TLN2: variants seen among roughly 807,000 people sequenced by gnomAD.
TLN2 encodes the protein talin-2.
Under a neutral mutation model 294.7 loss-of-function variants are expected in TLN2, and 118 were observed. The ratio of observed to expected loss-of-function variants is 0.40; its 90% CI spans 0.34 to 0.47. TLN2 has a LOEUF of 0.47. Ranked by LOEUF, TLN2 falls within the 20% of genes least tolerant of loss-of-function variation. The pLI, the probability that TLN2 is intolerant of heterozygous loss-of-function variation, is 0.84. For synonymous variants in TLN2, 1,431 were observed against 1,304.5 expected, an observed-to-expected ratio of 1.10 and a Z score of -2.09; for missense variants, 3,083 against 3,282.2, an observed-to-expected ratio of 0.94 and a Z score of 1.48.
chr15:62,753,197 C>CT (rs1287041057), intron 35 of TLN2, among the ~76,000 whole-genome samples: 1 of 152,154 alleles, frequency 6.6e-6, no homozygotes, highest in Non-Finnish European at 1.5e-5. Context: ...CAAATGCTGC[C>CT]TTTTTTGTTG....
chr15:62,546,998 G>A (rs1357315605), intron 1 of TLN2, among the ~76,000 whole-genome samples: 1 of 152,166 alleles, frequency 6.6e-6, no homozygotes, highest in Non-Finnish European at 1.5e-5. Flanking sequence ...GAAAAGACCA[G>A]CGTTAATCAG....
intron 46 of TLN2, 65 bp downstream of exon 46, chr15:62,792,852 T>A: frequency 6.3e-7 from 1 of 1,588,086 alleles, no homozygotes; most frequent in Non-Finnish European, 8.5e-7. Flanking sequence ...TCCGCTGTAA[T>A]CAAGGACAAA....
chr15:62,808,244 A>G (rs984539566), intron 51 of TLN2, among the ~76,000 whole-genome samples: 1 of 152,200 alleles, frequency 6.6e-6, no homozygotes, highest in African/African-American at 2.4e-5. Context: ...ACATCTGTAT[A>G]TTAGATATAA....
chr15:62,532,021 T>C (rs2041066542), intron 1 of TLN2, among the ~76,000 whole-genome samples: 1 of 151,228 alleles, frequency 6.6e-6, no homozygotes, highest in Non-Finnish European at 1.5e-5. Flanking sequence ...CTGGGAATAA[T>C]TATTTTTTTT....
At chr15:62,591,956 A>C (rs574725559) in intron 2 of TLN2, among the ~76,000 whole-genome samples, 1 of 152,162 alleles carries the variant, frequency 6.6e-6, no homozygotes, top group Admixed American at 6.5e-5. Context: ...CCTGGGGCAC[A>C]GTGGCCGGGA....
chr15:62,741,434 A>G (rs1487973182), intron 32 of TLN2, among the ~76,000 whole-genome samples: 1 of 152,176 alleles, frequency 6.6e-6, no homozygotes, highest in African/African-American at 2.4e-5. Flanking sequence ...TTCAGTAACT[A>G]GTGGTTGAAT....
intron 1 of TLN2, among the ~76,000 whole-genome samples, chr15:62,566,383 C>T (rs1311396415): frequency 6.6e-6 from 1 of 152,066 alleles, no homozygotes; most frequent in Admixed American, 6.5e-5. Context: ...TTGGAGCCTG[C>T]ATTCCCAGGG....
At chr15:62,510,773 G>C (rs568306627) in intron 1 of TLN2, among the ~76,000 whole-genome samples, 1 of 152,306 alleles carries the variant, frequency 6.6e-6, no homozygotes, top group African/African-American at 2.4e-5. Context: ...AGTGCCTCCA[G>C]GTCCTTGGAA....
chr15:62,773,932 C>G (rs1399133033), intron 42 of TLN2, among the ~76,000 whole-genome samples: 1 of 152,110 alleles, frequency 6.6e-6, no homozygotes, highest in African/African-American at 2.4e-5. Context: ...CTTACCGAGG[C>G]GTTTGCAGTG....
At chr15:62,634,152 A>T (rs1045283141) in intron 3 of TLN2, among the ~76,000 whole-genome samples, 6 of 152,214 alleles carry the variant, frequency 3.9e-5, no homozygotes, top group African/African-American at 1.4e-4. Context: ...AAGAAACACA[A>T]TTCAGCCCAT....
In TLN2 at chr15:62,721,878, G is replaced by A. The variant is rs966500729; in HGVS notation, c.2992-475G>A. ...GAGTGAACAGTGTGATCTTATTTTT[G>A]AAAAATATGTACATGCACATAGATG... On this transcript the variant is annotated intron_variant, in intron 25 of 58. Coordinates refer to ENST00000636159, the MANE Select transcript of TLN2 (RefSeq NM_015059.3). 1.9e-4 allele frequency among the ~76,000 whole-genome samples: 29 copies of A among 152,172 alleles called. 1 individual carries two copies. The highest frequency in any genetic ancestry group is 1.5e-5 in the Non-Finnish European group (1 of 68,024).
chr15:62,652,145 ATACACCTTCAT>A lies in TLN2; in HGVS notation c.364+14_364+24del, dbSNP rs2052661259. On this transcript the variant is annotated intron_variant, in intron 6 of 58. Coordinates refer to ENST00000636159, the MANE Select transcript of TLN2 (RefSeq NM_015059.3). ...TTTGTAGCAGAATAGGTGAGCATTC[ATACACCTTCAT>A]TATGTCTTTTTGCTTAGTTTTTAAT... The A allele has an allele frequency of 9.8e-6, 15 of 1,534,668 alleles. No homozygotes were observed. The highest frequency in any genetic ancestry group is 1.3e-5 in the Non-Finnish European group (15 of 1,139,838).
At chr15:62,644,392 A>G in intron 3 of TLN2, 1 of 421,792 alleles carries the variant, frequency 2.4e-6, no homozygotes, top group African/African-American at 2.0e-5. Flanking sequence ...CCCAGGGCTG[A>G]GTCATTACTG....
chr15:62,537,165 C>A (rs765661794), intron 1 of TLN2, among the ~76,000 whole-genome samples: 8 of 152,064 alleles, frequency 5.3e-5, no homozygotes, highest in African/African-American at 1.7e-4. Context: ...ACTACAGGCA[C>A]CTGCCACCAC....
intron 2 of TLN2, among the ~76,000 whole-genome samples, chr15:62,599,721 T>A (rs1280622119): frequency 2.0e-5 from 3 of 152,196 alleles, no homozygotes; most frequent in African/African-American, 7.2e-5. Context: ...GGAGAACTTT[T>A]GGCTCTGGTC....
In TLN2 at chr15:62,553,420, G is replaced by A. The variant is rs1432817191; in HGVS notation, c.-237-36267G>A. Among the ~76,000 whole-genome samples the A allele has an allele frequency of 2.0e-5, 3 of 152,100 alleles. No homozygotes were observed. In the East Asian group the frequency reaches 5.8e-4, roughly 29 times the overall value. ...GAATCACTTGAACCCAGGAGGCGGAGGTTGCGGCGAGCCGAGATCACGCCA... is the reference window on the plus strand; with the variant it reads ...GAATCACTTGAACCCAGGAGGCGGAAGTTGCGGCGAGCCGAGATCACGCCA... On this transcript the variant is annotated intron_variant, in intron 1 of 58. Transcript: ENST00000636159.
chr15:62,508,804 A>C (rs1243527472), intron 1 of TLN2, among the ~76,000 whole-genome samples: 1 of 152,102 alleles, frequency 6.6e-6, no homozygotes, highest in Admixed American at 6.5e-5. Flanking sequence ...GTGTGTGTGT[A>C]ATGTTACTTT....
intron 48 of TLN2, 67 bp from the exon 49 acceptor site, chr15:62,800,301 A>C: frequency 1.3e-6 from 2 of 1,576,570 alleles, no homozygotes; most frequent in Non-Finnish European, 1.7e-6. Context: ...CTCAGGCTGC[A>C]TGCCTTGGTA....
chr15:62,819,683 A>G, intron 53 of TLN2, 62 bp downstream of exon 53: 1 of 1,463,126 alleles, frequency 6.8e-7, no homozygotes, highest in South Asian at 1.2e-5. Context: ...AATACAGCAG[A>G]CTGAGCAGAG....
Sources: gnomAD v4.1 joint callset for allele counts (sites outside exome capture counted in the v4.1 genomes callset) on GRCh38, gnomAD v4.1.1 for gene constraint, MANE v1.5 for transcripts, NCBI Gene and HGNC (gene_info 2026-07-23, HGNC 2026-07-21) for gene names.